Variants in NRM observed in about 807,000 individuals in gnomAD.
The protein encoded by NRM is nurim, also known as nuclear rim protein.
NRM carries 19 observed loss-of-function variants against 23.4 expected under a neutral mutation model. The observed-to-expected ratio is 0.81, with a 90% CI of 0.57 to 1.19. The LOEUF (loss-of-function observed/expected upper bound fraction) is 1.19, where lower values mean the gene tolerates loss of function less well. Ranked by LOEUF, NRM falls within the 50% of genes most tolerant of loss-of-function variation. NRM has a pLI of 0.00. For synonymous variants in NRM, 140 were observed against 143.5 expected, an observed-to-expected ratio of 0.98 and a Z score of 0.17; for missense variants, 232 against 329.7, an observed-to-expected ratio of 0.70 and a Z score of 2.30.
rs752529164 is a variant in NRM, at chr6:30,688,674, C to A, written c.776G>T (p.Gly259Val). ...KLHLLSRPQD[G>V]EAE ...AGAGTGAGCTCCTCACTCTGCCTCC[C>A]CATCCTGGGGCCGAGAGAGCAGGTG... The change falls in exon 4 of 4, where the codon GGG (glycine) becomes GTG (valine). Residue 259 changes from glycine (G) to valine (V), a missense_variant. Coordinates refer to ENST00000376421, the MANE Select transcript of NRM (RefSeq NM_001384369.1). The surrounding 1 kb of genome is among the most constrained non-coding windows in gnomAD (Gnocchi z 5.9). 2 of 1,613,750 alleles carry A rather than the reference C, an allele frequency of 1.2e-6. No individual in the cohort carries two copies.
Position 30,690,384 on chromosome 6 carries a change from C to T in NRM, c.134-141G>A. ...TAATGCTTCCTCTCTAGGCTGTGCC[C>T]ATCTCACTTTTCCATCCCTAGTTTC... On this transcript the variant is annotated intron_variant, in intron 1 of 3. Coordinates refer to ENST00000376421, the MANE Select transcript of NRM (RefSeq NM_001384369.1). The surrounding 1 kb of genome is among the most constrained non-coding windows in gnomAD (Gnocchi z 5.5). The T allele has an allele frequency of 1.9e-6, 2 of 1,044,400 alleles. No individual in the cohort carries two copies. The highest frequency in any genetic ancestry group is 2.7e-6 in the Non-Finnish European group (2 of 735,114). The allele number at this position is 1,044,400 out of a possible 1,614,324, so 64.7% of individuals were successfully genotyped here. A position where few individuals can be genotyped will look rare whatever the true frequency, so the allele number is the denominator to read the frequency against.
In NRM at chr6:30,688,445, C is replaced by T. The variant is rs1322176087; in HGVS notation, c.*216G>A. 3.3e-6 allele frequency: 2 copies of T among 609,478 alleles called. No homozygotes were observed. The allele number at this position is 609,478 out of a possible 1,614,324, so 37.8% of individuals were successfully genotyped here. ...AGATGACTTCCATACCCCACTCTTC[C>T]TTGCTGGTGAGAAGTGGACCTTGGA... On this transcript the variant is annotated 3_prime_UTR_variant, in exon 4 of 4. Transcript: ENST00000376421. This position sits in a 1 kb window ranked among gnomAD's most constrained non-coding sequence, Gnocchi z 5.9.
chr6:30,688,349 T>G lies in NRM; in HGVS notation c.*312A>C. The stretch of plus-strand genomic sequence containing the variant: ...GCAAGTAACAGTGCCAGGGGAGTGG[T>G]CAGGGCAGATCCTTTCCTTCTCAGG... On this transcript the variant is annotated 3_prime_UTR_variant, in exon 4 of 4. Coordinates refer to ENST00000376421, the MANE Select transcript of NRM (RefSeq NM_001384369.1). This position sits in a 1 kb window ranked among gnomAD's most constrained non-coding sequence, Gnocchi z 5.9. 2.3e-6 allele frequency: 1 copy of G among 442,758 alleles called. No individual in the cohort carries two copies. 27.4% of individuals were successfully genotyped at this position (442,758 alleles called of 1,614,324 possible). A position where few individuals can be genotyped will look rare whatever the true frequency, so the allele number is the denominator to read the frequency against.
At chr6:30,691,063 A>G (rs1185626473), upstream of NRM, 1 of 1,449,500 alleles carries the variant, frequency 6.9e-7, no homozygotes. Flanking sequence ...GGCTGAATCC[A>G]GCCCAGGAGG....
chr6:30,691,007 G>T, upstream of NRM: 7 of 1,564,552 alleles, frequency 4.5e-6, no homozygotes, highest in South Asian at 1.1e-5. Flanking sequence ...AAAGGGGCGG[G>T]GTCGGGATTC....
In NRM at chr6:30,689,931, A is replaced by C. The variant is rs1228221105; in HGVS notation, c.330+116T>G. 2.0e-6 allele frequency: 2 copies of C among 982,356 alleles called. No homozygotes were observed. The highest frequency in any genetic ancestry group is 1.7e-5 in the African/African-American group (1 of 59,134). The allele number at this position is 982,356 out of a possible 1,614,324, so 60.9% of individuals were successfully genotyped here. ...AATGGAAGCTGAGATTAGTTCCTCA[A>C]TTCTCCTCCTGAACCCATATTTTGC... is the stretch of plus-strand genomic sequence containing the variant. On this transcript the variant is annotated intron_variant, in intron 2 of 3. Transcript: ENST00000376421. The surrounding 1 kb of genome is among the most constrained non-coding windows in gnomAD (Gnocchi z 4.7).
rs374384201 is a variant in NRM, at chr6:30,690,405, G to A, written c.134-162C>T. 1.9e-6 allele frequency: 2 copies of A among 1,059,510 alleles called. No homozygotes were observed. Among genetic ancestry groups the A allele is most frequent in the East Asian group, 2.6e-5 (1 of 38,506 alleles). The allele number at this position is 1,059,510 out of a possible 1,614,324, so 65.6% of individuals were successfully genotyped here. A position where few individuals can be genotyped will look rare whatever the true frequency, so the allele number is the denominator to read the frequency against. On this transcript the variant is annotated intron_variant, in intron 1 of 3. Coordinates refer to ENST00000376421, the MANE Select transcript of NRM (RefSeq NM_001384369.1). This position sits in a 1 kb window ranked among gnomAD's most constrained non-coding sequence, Gnocchi z 5.5. ...TGCCCATCTCACTTTTCCATCCCTA[G>A]TTTCTGCCCTCTTCCCTAGGCCTCC...
Position 30,690,946 on chromosome 6 carries a change from G to C in NRM, c.29C>G (p.Ala10Gly). Residue 10 changes from alanine to glycine, a missense_variant, in exon 1 of 4, where the codon GCT (alanine) becomes GGT (glycine). Physicochemically the swap from Ala to Gly is moderately conservative, Grantham distance 60 (BLOSUM62 0). Coordinates refer to ENST00000376421, the MANE Select transcript of NRM (RefSeq NM_001384369.1). This position sits in a 1 kb window ranked among gnomAD's most constrained non-coding sequence, Gnocchi z 5.5. Reference protein sequence around the residue: MAPALLLIPAALASFILAFG... With the variant: MAPALLLIPGALASFILAFG... The stretch of plus-strand genomic sequence containing the variant: ...GGCCAGGATGAAAGAGGCGAGGGCA[G>C]CAGGGATCAGGAGCAGTGCAGGGGC... 2 of 1,611,568 alleles carry C rather than the reference G, an allele frequency of 1.2e-6. No individual in the cohort carries two copies. The highest frequency in any genetic ancestry group is 1.7e-6 in the Non-Finnish European group (2 of 1,179,352).
Position 30,688,337 on chromosome 6 carries a change from C to A in NRM, c.*324G>T. 2 of 383,992 alleles carry A rather than the reference C, an allele frequency of 5.2e-6. No homozygotes were observed. The highest frequency in any genetic ancestry group is 4.8e-6 in the Non-Finnish European group (1 of 210,146). 23.8% of individuals were successfully genotyped at this position (383,992 alleles called of 1,614,324 possible). ...TGAGGCGCAGAGGCAAGTAACAGTGCCAGGGGAGTGGTCAGGGCAGATCCT... is the reference window on the plus strand; with the variant it reads ...TGAGGCGCAGAGGCAAGTAACAGTGACAGGGGAGTGGTCAGGGCAGATCCT... On this transcript the variant is annotated 3_prime_UTR_variant, in exon 4 of 4. Coordinates refer to ENST00000376421, the MANE Select transcript of NRM (RefSeq NM_001384369.1). The surrounding 1 kb of genome is among the most constrained non-coding windows in gnomAD (Gnocchi z 5.9).
At position 30,690,537 on chromosome 6, in the gene NRM, A is replaced by G; in HGVS notation, c.134-294T>C. 1 of 1,538,534 alleles carries G rather than the reference A, an allele frequency of 6.5e-7. No homozygotes were observed. The highest frequency in any genetic ancestry group is 1.4e-5 in the African/African-American group (1 of 72,790). On this transcript the variant is annotated intron_variant, in intron 1 of 3. Transcript: ENST00000376421. This position sits in a 1 kb window ranked among gnomAD's most constrained non-coding sequence, Gnocchi z 5.5. ...TGCCCCTCTTACTTCGGTTCTCCAA[A>G]TGCTCCTTCTTTTTAACACTCTCCT...
At position 30,688,865 on chromosome 6, in the gene NRM, C is replaced by T; in HGVS notation, c.585G>A (p.Leu195=). 1 of 1,613,920 alleles carries T rather than the reference C, an allele frequency of 6.2e-7. No homozygotes were observed. The highest frequency in any genetic ancestry group is 8.5e-7 in the Non-Finnish European group (1 of 1,180,004). The change falls in exon 4 of 4, where the codon CTG becomes CTA. Residue 195 remains leucine (L), a synonymous_variant. Coordinates refer to ENST00000376421, the MANE Select transcript of NRM (RefSeq NM_001384369.1). This position sits in a 1 kb window ranked among gnomAD's most constrained non-coding sequence, Gnocchi z 5.9. ...SPRALRLFSH[L]RHPVCVELLT... ...GCAGCTCCACACACACTGGGTGGCG[C>T]AGGTGGGAGAAGAGTCTGAGAGCCC...
At position 30,690,750 on chromosome 6, in the gene NRM, C is replaced by T. The variant is rs1481979447; in HGVS notation, c.133+92G>A. ...GGTTCGAGTTCCCTCTCTTGGACTT[C>T]CCCTGTCATTTGTTTCCAAGCCCCG... On this transcript the variant is annotated intron_variant, in intron 1 of 3. Coordinates refer to ENST00000376421, the MANE Select transcript of NRM (RefSeq NM_001384369.1). The surrounding 1 kb of genome is among the most constrained non-coding windows in gnomAD (Gnocchi z 5.5). 6.2e-6 allele frequency: 10 copies of T among 1,611,418 alleles called. No individual in the cohort carries two copies. Among genetic ancestry groups the T allele is most frequent in the Non-Finnish European group, 8.5e-6 (10 of 1,179,324 alleles).
At position 30,690,331 on chromosome 6, in the gene NRM, C is replaced by T. The variant is rs1771479797; in HGVS notation, c.134-88G>A. 1 of 1,243,540 alleles carries T rather than the reference C, an allele frequency of 8.0e-7. No homozygotes were observed. Among genetic ancestry groups the T allele is most frequent in the African/African-American group, 1.5e-5 (1 of 66,000 alleles). The allele number at this position is 1,243,540 out of a possible 1,614,324, so 77.0% of individuals were successfully genotyped here. A position where few individuals can be genotyped will look rare whatever the true frequency, so the allele number is the denominator to read the frequency against. ...CCTCATCTCCTCTTGGATCCCCAGG[C>T]CATGTCCCTTACTGCTTTCAAGAGC... On this transcript the variant is annotated intron_variant, in intron 1 of 3. Coordinates refer to ENST00000376421, the MANE Select transcript of NRM (RefSeq NM_001384369.1). This position sits in a 1 kb window ranked among gnomAD's most constrained non-coding sequence, Gnocchi z 5.5.
chr6:30,691,056 T>C (rs1445007509), upstream of NRM: 1 of 1,500,744 alleles, frequency 6.7e-7, no homozygotes, highest in Non-Finnish European at 9.0e-7. Context: ...CGCCCCCGGC[T>C]GAATCCAGCC....
rs146759008 is a variant in NRM at position 30,688,852 on chromosome 6, A to G, written c.598T>C (p.Cys200Arg). The stretch of plus-strand genomic sequence containing the variant: ...CACAGCACTGTCAGCAGCTCCACAC[A>G]CACTGGGTGGCGCAGGTGGGAGAAG... ...RLFSHLRHPV[C>R]VELLTVLWVV... is the part of the protein sequence containing the mutation. The change falls in exon 4 of 4, where the codon TGT (cysteine) becomes CGT (arginine). Residue 200 changes from cysteine to arginine, a missense_variant. Cys to Arg is a radical substitution (Grantham distance 180). Transcript: ENST00000376421. The surrounding 1 kb of genome is among the most constrained non-coding windows in gnomAD (Gnocchi z 5.9). 3 of 1,613,844 alleles carry G rather than the reference A, an allele frequency of 1.9e-6. No individual in the cohort carries two copies. The African/African-American group carries it at 4.0e-5, about 22-fold the overall frequency.
At position 30,690,927 on chromosome 6, in the gene NRM, G is replaced by A; in HGVS notation, c.48C>T (p.Ile16=). 2 of 1,519,008 alleles carry A rather than the reference G, an allele frequency of 1.3e-6. No individual in the cohort carries two copies. The highest frequency in any genetic ancestry group is 1.8e-6 in the Non-Finnish European group (2 of 1,120,542). The allele number at this position is 1,519,008 out of a possible 1,614,324, so 94.1% of individuals were successfully genotyped here. A position where few individuals can be genotyped will look rare whatever the true frequency, so the allele number is the denominator to read the frequency against. ...LLIPAALASF[I]LAFGTGVEFV... ...ACTCCACTCCGGTGCCAAAGGCCAG[G>A]ATGAAAGAGGCGAGGGCAGCAGGGA... Residue 16 remains isoleucine (I), a synonymous_variant, in exon 1 of 4, where the codon ATC becomes ATT. Transcript: ENST00000376421. This position sits in a 1 kb window ranked among gnomAD's most constrained non-coding sequence, Gnocchi z 5.5.
chr6:30,688,970 G>A lies in NRM; in HGVS notation c.508-28C>T. On this transcript the variant is annotated intron_variant, in intron 3 of 3. Transcript: ENST00000376421. This position sits in a 1 kb window ranked among gnomAD's most constrained non-coding sequence, Gnocchi z 5.9. ...AAGAGAGGGAGAAGAGCTTAGAAAT[G>A]GAGTCAAGCCCTTTTCTCATCTTGG... 6.3e-7 allele frequency: 1 copy of A among 1,597,386 alleles called. No homozygotes were observed. Among genetic ancestry groups the A allele is most frequent in the Non-Finnish European group, 8.5e-7 (1 of 1,171,120 alleles).
Position 30,689,521 on chromosome 6 carries a change from G to T in NRM, c.331-69C>A. 1.4e-6 allele frequency: 2 copies of T among 1,439,758 alleles called. No homozygotes were observed. Among genetic ancestry groups the T allele is most frequent in the Non-Finnish European group, 1.9e-6 (2 of 1,080,288 alleles). The allele number at this position is 1,439,758 out of a possible 1,614,324, so 89.2% of individuals were successfully genotyped here. ...CCCGACCTTGGGAGACCCAGACCCA[G>T]ATCTGCCCCCACCACAGGCTAGCCT... On this transcript the variant is annotated intron_variant, in intron 2 of 3. Coordinates refer to ENST00000376421, the MANE Select transcript of NRM (RefSeq NM_001384369.1). The surrounding 1 kb of genome is among the most constrained non-coding windows in gnomAD (Gnocchi z 4.7).
Position 30,688,156 on chromosome 6 carries a change from G to T in NRM, c.*505C>A. On this transcript the variant is annotated 3_prime_UTR_variant, in exon 4 of 4. Coordinates refer to ENST00000376421, the MANE Select transcript of NRM (RefSeq NM_001384369.1). This position sits in a 1 kb window ranked among gnomAD's most constrained non-coding sequence, Gnocchi z 5.9. Reference sequence around the variant, plus strand: ...AGGAGAATCCCCTTGACTAGGTTGGGGTCTGAGCCCAGAGGCAGGGCCTAA... The same window carrying T: ...AGGAGAATCCCCTTGACTAGGTTGGTGTCTGAGCCCAGAGGCAGGGCCTAA... The T allele has an allele frequency of 6.2e-6, 1 of 162,156 alleles. No homozygotes were observed. Among genetic ancestry groups the T allele is most frequent in the Non-Finnish European group, 1.4e-5 (1 of 73,878 alleles). 10.0% of individuals were successfully genotyped at this position (162,156 alleles called of 1,614,324 possible).
Sources: allele counts gnomAD v4.1 joint callset, GRCh38; gene constraint gnomAD v4.1.1; non-coding constraint Gnocchi (gnomAD v3.1); transcripts MANE v1.5; gene names NCBI Gene and HGNC (gene_info 2026-07-23, HGNC 2026-07-21).